Variants in HDC observed in about 807,000 individuals in gnomAD.
The protein encoded by HDC is histidine decarboxylase.
HDC carries 27 observed loss-of-function variants against 64.4 expected under a neutral mutation model. The ratio of observed to expected loss-of-function variants is 0.42; its 90% confidence interval spans 0.31 to 0.58. HDC has a LOEUF of 0.58. Ranked by LOEUF, HDC falls within the 20% of genes least tolerant of loss-of-function variation. HDC has a pLI of 0.16. For missense variants in HDC, 711 were observed against 833.9 expected, an observed-to-expected ratio of 0.85 and a Z score of 1.81; for synonymous variants, 305 against 314.2, an observed-to-expected ratio of 0.97 and a Z score of 0.31.
At chr15:50,251,643 C>G (rs2140931998) in intron 9 of HDC, among the ~76,000 whole-genome samples, 1 of 152,204 alleles carries the variant, frequency 6.6e-6, no homozygotes, top group South Asian at 2.1e-4. Context: ...TTCCCTCAGG[C>G]AAAATACTGG....
chr15:50,254,706 TCTTG>T (rs1481090078), intron 4 of HDC, 42 bp from the exon 5 acceptor site: 1 of 1,611,510 alleles, frequency 6.2e-7, no homozygotes. Context: ...TTCTGTATTC[TCTTG>T]CCAAATTTCC....
In HDC at chr15:50,260,830, G is replaced by A. The variant is rs192395061; in HGVS notation, c.205-2313C>T. On this transcript the variant is annotated intron_variant, in intron 2 of 11. Transcript: ENST00000267845. ...GCAGGGTGGTGTCCTGACTTTTCCC[G>A]TGGGGATGCTCTCTCTCTCTCATGA... is the stretch of plus-strand genomic sequence containing the variant. Among the ~76,000 whole-genome samples the A allele has an allele frequency of 7.9e-5, 12 of 152,256 alleles. No individual in the cohort carries two copies. In the East Asian group the frequency reaches 1.5e-3, roughly 20 times the overall value.
chr15:50,244,285 CTTTTTTTTTTT>C (rs554623599), intron 10 of HDC, among the ~76,000 whole-genome samples: 2 of 105,178 alleles, frequency 1.9e-5, no homozygotes, highest in African/African-American at 7.2e-5. Context: ...AGCTGAACCT[CTTTTTTTTTTT>C]TTTTTTTTTT....
rs1419400585 is a variant in HDC at position 50,248,034 on chromosome 15, A to C, written c.1140+211T>G. On this transcript the variant is annotated intron_variant, in intron 10 of 11. Transcript: ENST00000267845. This position sits in a 1 kb window ranked among gnomAD's most constrained non-coding sequence, Gnocchi z 4.3. ...GGAACGGTGAGACACTCAGCAGAGG[A>C]CAGGCATCAGGCAGCCCTCAGGGCA... is the stretch of plus-strand genomic sequence containing the variant. Among the ~76,000 whole-genome samples, 2 of 152,244 alleles carry C rather than the reference A, an allele frequency of 1.3e-5. No individual in the cohort carries two copies. The highest frequency in any genetic ancestry group is 1.5e-5 in the Non-Finnish European group (1 of 68,050).
At position 50,249,800 on chromosome 15, in the gene HDC, A is replaced by C. The variant is rs73397300; in HGVS notation, c.1042-1457T>G. On this transcript the variant is annotated intron_variant, in intron 9 of 11. Transcript: ENST00000267845. ...AGCTACTTTATTTTACCAGCAAATA[A>C]ACCAGGATAGGCAGAGGTGATTTTA... 1.4e-3 allele frequency among the ~76,000 whole-genome samples: 206 copies of C among 152,368 alleles called. 1 individual carries two copies. The highest frequency in any genetic ancestry group is 4.7e-3 in the African/African-American group (197 of 41,592).
chr15:50,255,163 T>C (rs2045614343), intron 4 of HDC, among the ~76,000 whole-genome samples: 2 of 152,196 alleles, frequency 1.3e-5, no homozygotes, highest in African/African-American at 4.8e-5. Flanking sequence ...GAAGACTCTT[T>C]TCTGTCTATG....
chr15:50,253,648 T>A lies in HDC; in HGVS notation c.739A>T (p.Thr247Ser). The A allele has an allele frequency of 1.2e-6, 2 of 1,613,482 alleles. No individual in the cohort carries two copies. The highest frequency in any genetic ancestry group is 1.7e-6 in the Non-Finnish European group (2 of 1,179,980). The change falls in exon 7 of 12, where the codon ACC becomes TCC. Residue 247 changes from threonine (T) to serine (S), a missense_variant. Physicochemically the swap from Thr to Ser is moderately conservative, Grantham distance 58. This residue lies in a region of HDC where 483 missense variants were observed against 540.9 expected (regional missense o/e 0.89). Transcript: ENST00000267845. ...VPVFVCATLG[T>S]TGVCAFDCLS... ...CAGTCAAATGCACAGACCCCAGTGGTCCCTAGTGTTGCACAGACCTAGGGG... is the reference window on the plus strand; with the variant it reads ...CAGTCAAATGCACAGACCCCAGTGGACCCTAGTGTTGCACAGACCTAGGGG...
intron 10 of HDC, among the ~76,000 whole-genome samples, chr15:50,243,911 G>A (rs2045441031): frequency 6.6e-6 from 1 of 152,140 alleles, no homozygotes; most frequent in Non-Finnish European, 1.5e-5. Context: ...AAAAATTCTG[G>A]AAATAATGGT....
At chr15:50,247,391 A>T (rs542071714) in intron 10 of HDC, among the ~76,000 whole-genome samples, 1 of 152,122 alleles carries the variant, frequency 6.6e-6, no homozygotes, top group East Asian at 1.9e-4. Context: ...CATAATAATT[A>T]TTTTTTTTAA....
intron 2 of HDC, among the ~76,000 whole-genome samples, chr15:50,260,148 A>G (rs1458255861): frequency 6.6e-6 from 1 of 151,876 alleles, no homozygotes; most frequent in Non-Finnish European, 1.5e-5. Context: ...CAGCCTCCCA[A>G]GTAGCTGGGA....
intron 7 of HDC, 29 bp from the exon 8 acceptor site, chr15:50,252,803 G>T: frequency 1.3e-6 from 2 of 1,595,404 alleles, no homozygotes; most frequent in East Asian, 2.3e-5. Context: ...CCTGGCCGGA[G>T]GGGAGGTATG....
At chr15:50,244,447 C>T (rs1347826318) in intron 10 of HDC, among the ~76,000 whole-genome samples, 1 of 151,938 alleles carries the variant, frequency 6.6e-6, no homozygotes. Context: ...GGACTACAGA[C>T]ATGCACCACC....
rs1595707360 is a variant in HDC at position 50,254,572 on chromosome 15, C to T, written c.534G>A (p.Glu178=). The T allele has an allele frequency of 6.2e-7, 1 of 1,614,220 alleles. No homozygotes were observed. Among genetic ancestry groups the T allele is most frequent in the Non-Finnish European group, 8.5e-7 (1 of 1,180,036 alleles). The part of the protein sequence containing the change: ...EMKTSEPDAD[E]SCLNARLVAY... ...CCACGAGTCGGGCATTTAGGCAGGA[C>T]TCATCAGCATCGGGCTCAGACGTTT... is the stretch of plus-strand genomic sequence containing the variant. The change falls in exon 5 of 12, where the codon GAG becomes GAA. Residue 178 remains glutamate (E), a synonymous_variant. Transcript: ENST00000267845.
At chr15:50,247,834 A>G (rs1347192364) in intron 10 of HDC, among the ~76,000 whole-genome samples, 1 of 152,234 alleles carries the variant, frequency 6.6e-6, no homozygotes, top group Admixed American at 6.5e-5. Flanking sequence ...GCTTTATTTC[A>G]GGCATAATCA....
At chr15:50,247,876 C>G (rs1056214410) in intron 10 of HDC, among the ~76,000 whole-genome samples, 7 of 152,160 alleles carry the variant, frequency 4.6e-5, no homozygotes, top group African/African-American at 1.7e-4. Flanking sequence ...CCAGCTGTGA[C>G]CATTGAGGTA....
chr15:50,255,806 T>C (rs2045622618), intron 4 of HDC, among the ~76,000 whole-genome samples: 1 of 152,068 alleles, frequency 6.6e-6, no homozygotes. Context: ...TTTTTAAAAA[T>C]AATAATAATG....
chr15:50,243,898 T>C (rs1461371503), intron 10 of HDC, among the ~76,000 whole-genome samples: 1 of 152,240 alleles, frequency 6.6e-6, no homozygotes, highest in African/African-American at 2.4e-5. Flanking sequence ...CTCGGGATGA[T>C]GAAAAAATTC....
At position 50,262,152 on chromosome 15, in the gene HDC, G is replaced by A. The variant is rs1460449688; in HGVS notation, c.204+1083C>T. ...GGGAAGACACAGCTTGTGTGGGGGT[G>A]TGGAGCCAGACAGGCAATGCTAGGG... On this transcript the variant is annotated intron_variant, in intron 2 of 11. Transcript: ENST00000267845. Among the ~76,000 whole-genome samples the A allele has an allele frequency of 5.3e-5, 8 of 152,172 alleles. No homozygotes were observed. In the South Asian group the frequency reaches 1.5e-3, roughly 28 times the overall value.
At chr15:50,243,297 T>C (rs932278748) in intron 10 of HDC, 53 bp from the exon 11 acceptor site, 14 of 1,200,586 alleles carry the variant, frequency 1.2e-5, no homozygotes, top group South Asian at 2.4e-5. Context: ...CAAGAGACTA[T>C]GCATAAACTT....
Sources: allele counts gnomAD v4.1 joint callset (sites outside exome capture counted in the v4.1 genomes callset), GRCh38; gene constraint gnomAD v4.1.1; regional missense constraint gnomAD v4.1.1; non-coding constraint Gnocchi (gnomAD v3.1); transcripts MANE v1.5; gene names NCBI Gene and HGNC (gene_info 2026-07-23, HGNC 2026-07-21).